Variants in USP43 observed in about 807,000 individuals in gnomAD.
The protein encoded by USP43 is ubiquitin carboxyl-terminal hydrolase 43.
In USP43, 33 loss-of-function variants were observed where a neutral mutation model predicts 90.7. The ratio of observed to expected loss-of-function variants is 0.36; its 90% CI spans 0.28 to 0.49. The LOEUF is 0.49. Ranked by LOEUF, USP43 falls within the 20% of genes least tolerant of loss-of-function variation. The pLI is 0.98. For synonymous variants in USP43, 598 were observed against 615.8 expected, an observed-to-expected ratio of 0.97 and a Z score of 0.43; for missense variants, 1,274 against 1,476.4, an observed-to-expected ratio of 0.86 and a Z score of 2.25.
At position 9,722,758 on chromosome 17, in the gene USP43, G is replaced by A. The variant is rs186179001; in HGVS notation, c.2336-5196G>A. On this transcript the variant is annotated intron_variant, in intron 14 of 14. Coordinates refer to ENST00000285199, the MANE Select transcript of USP43 (RefSeq NM_153210.5). ...TTCCCTGTCATTCCCCCCAAAATGA[G>A]AGCTTTGAAAGACTTTCATGTGCCC... Among the ~76,000 whole-genome samples, 4 of 152,228 alleles carry A rather than the reference G, an allele frequency of 2.6e-5. No individual in the cohort carries two copies. In the East Asian group the frequency reaches 7.7e-4, roughly 29 times the overall value.
chr17:9,664,830 G>A (rs949408303), intron 2 of USP43, among the ~76,000 whole-genome samples: 6 of 152,052 alleles, frequency 3.9e-5, no homozygotes, highest in African/African-American at 1.4e-4. Flanking sequence ...GTAGAGGTGG[G>A]GTTTCACCGT....
intron 14 of USP43, among the ~76,000 whole-genome samples, chr17:9,718,973 G>A (rs1916771030): frequency 2.0e-5 from 3 of 151,326 alleles, no homozygotes; most frequent in African/African-American, 4.9e-5. Flanking sequence ...ATTTAAAATA[G>A]TGTCTATGGC....
chr17:9,677,013 G>C (rs1179456972), intron 5 of USP43, 132 bp downstream of exon 5: 2 of 1,160,588 alleles, frequency 1.7e-6, no homozygotes, highest in Non-Finnish European at 2.4e-6. Context: ...TGGTTGATTA[G>C]TAATGCCTGC....
chr17:9,692,164 G>A (rs1254441269), intron 8 of USP43, among the ~76,000 whole-genome samples: 1 of 151,262 alleles, frequency 6.6e-6, no homozygotes, highest in African/African-American at 2.4e-5. Context: ...TTCAAGAGCA[G>A]CCTGGCCAAC....
chr17:9,648,801 A>T (rs933591832), intron 1 of USP43, among the ~76,000 whole-genome samples: 7 of 152,084 alleles, frequency 4.6e-5, no homozygotes, highest in African/African-American at 1.7e-4. Context: ...TTGCAGACAC[A>T]CCACACAAGG....
intron 9 of USP43, among the ~76,000 whole-genome samples, chr17:9,697,261 C>A (rs766694550): frequency 6.6e-6 from 1 of 151,886 alleles, no homozygotes; most frequent in Non-Finnish European, 1.5e-5. Flanking sequence ...ATAAAAATTT[C>A]TTAAAGTTTT....
Position 9,686,219 on chromosome 17 carries a change from C to T in USP43, c.1242-579C>T, listed in dbSNP as rs868077389. On this transcript the variant is annotated intron_variant, in intron 7 of 14. Transcript: ENST00000285199. The surrounding 1 kb of genome is among the most constrained non-coding windows in gnomAD (Gnocchi z 5.5). ...TTTCATTTCTTTTCCATTCATCCAC[C>T]GATGTACACTTAGGTTGATTTGGAA... Among the ~76,000 whole-genome samples the T allele has an allele frequency of 1.4e-4, 22 of 152,054 alleles. No individual in the cohort carries two copies. The highest frequency in any genetic ancestry group is 7.9e-4 in the Admixed American group (12 of 15,254).
chr17:9,708,422 C>A (rs1005555928), intron 12 of USP43, among the ~76,000 whole-genome samples: 1 of 152,088 alleles, frequency 6.6e-6, no homozygotes, highest in Non-Finnish European at 1.5e-5. Flanking sequence ...GTGAGAGACA[C>A]CACTGGCTGA....
At chr17:9,703,546 G>GCA (rs1915698233) in intron 12 of USP43, among the ~76,000 whole-genome samples, 1 of 152,228 alleles carries the variant, frequency 6.6e-6, no homozygotes, top group Non-Finnish European at 1.5e-5. Context: ...GTCAGTGTTT[G>GCA]CACACACAGT....
rs112243372 is a variant in USP43 at position 9,695,029 on chromosome 17, T to C, written c.1457+1799T>C. 3.4e-4 allele frequency among the ~76,000 whole-genome samples: 52 copies of C among 152,140 alleles called. 1 individual carries two copies. Among genetic ancestry groups the C allele is most frequent in the African/African-American group, 1.2e-3 (50 of 41,520 alleles). ...TGAGAAGCGCTAGAATTGAGTAGAG[T>C]TCTACAGTAAGCTGACCATCCTAAA... On this transcript the variant is annotated intron_variant, in intron 9 of 14. Transcript: ENST00000285199.
At chr17:9,656,002 C>T (rs1912215231) in intron 1 of USP43, among the ~76,000 whole-genome samples, 1 of 152,066 alleles carries the variant, frequency 6.6e-6, no homozygotes, top group African/African-American at 2.4e-5. Context: ...TCTAGGTGAA[C>T]AGAGAGAGAC....
chr17:9,693,281 A>G, intron 9 of USP43, 51 bp downstream of exon 9: 1 of 1,452,600 alleles, frequency 6.9e-7, no homozygotes, highest in Non-Finnish European at 9.5e-7. Context: ...TTCTTATTTT[A>G]CCAGAGTCCT....
At chr17:9,692,166 C>G (rs1385658679) in intron 8 of USP43, among the ~76,000 whole-genome samples, 1 of 151,992 alleles carries the variant, frequency 6.6e-6, no homozygotes, top group Non-Finnish European at 1.5e-5. Flanking sequence ...CAAGAGCAGC[C>G]TGGCCAACAT....
intron 2 of USP43, among the ~76,000 whole-genome samples, chr17:9,660,408 CA>C: frequency 6.6e-6 from 1 of 152,206 alleles, no homozygotes; most frequent in Non-Finnish European, 1.5e-5. Context: ...CTTGGCCTCC[CA>C]AAGTGCTGAG....
At chr17:9,713,098 A>G (rs1916300886) in intron 14 of USP43, among the ~76,000 whole-genome samples, 1 of 151,542 alleles carries the variant, frequency 6.6e-6, no homozygotes, top group African/African-American at 2.4e-5. Context: ...GTATATTTGT[A>G]CTTTTTTTTT....
intron 8 of USP43, among the ~76,000 whole-genome samples, chr17:9,692,373 T>A (rs1915011254): frequency 6.6e-6 from 1 of 152,098 alleles, no homozygotes; most frequent in Non-Finnish European, 1.5e-5. Context: ...AAAAAAAATT[T>A]AATTATAGCC....
intron 2 of USP43, among the ~76,000 whole-genome samples, 189 bp downstream of exon 2, chr17:9,656,723 C>T (rs766973543): frequency 1.3e-5 from 2 of 152,208 alleles, no homozygotes; most frequent in Non-Finnish European, 2.9e-5. Flanking sequence ...GCGTTTCCTT[C>T]CATTCCAGTA....
At chr17:9,724,717 T>A (rs1049043422) in intron 14 of USP43, among the ~76,000 whole-genome samples, 1 of 152,200 alleles carries the variant, frequency 6.6e-6, no homozygotes, top group Non-Finnish European at 1.5e-5. Context: ...TTGTATGGTA[T>A]CATGTATTCT....
chr17:9,687,209 T>A (rs970298727), intron 8 of USP43, among the ~76,000 whole-genome samples: 2 of 150,956 alleles, frequency 1.3e-5, no homozygotes, highest in African/African-American at 2.4e-5. Flanking sequence ...TAAAACGAAA[T>A]TTTTTTTTTC....
Sources: allele counts gnomAD v4.1 joint callset (sites outside exome capture counted in the v4.1 genomes callset), GRCh38; gene constraint gnomAD v4.1.1; non-coding constraint Gnocchi (gnomAD v3.1); transcripts MANE v1.5; gene names NCBI Gene and HGNC (gene_info 2026-07-23, HGNC 2026-07-21).